The following RBFOX1 variants were observed in gnomAD, a reference collection of about 807,000 sequenced individuals.
RBFOX1 encodes the protein RNA binding fox-1 homolog 1.
RBFOX1 carries 8 observed loss-of-function variants against 57.7 expected under a neutral mutation model. The observed-to-expected ratio is 0.14, with a 90% confidence interval of 0.08 to 0.25. The LOEUF (loss-of-function observed/expected upper bound fraction) is 0.25, where lower values mean the gene tolerates loss of function less well. RBFOX1 is among the 10% of genes least tolerant of loss of function. RBFOX1 has a pLI of 1.00. For synonymous variants in RBFOX1, 326 were observed against 222.4 expected (o/e 1.47, Z -4.15); for missense variants, 611 against 548.5 (o/e 1.11, Z -1.14).
chr16:7,580,492 TC>T (rs2093673669), intron 6 of RBFOX1, among the ~76,000 whole-genome samples: 1 of 152,016 alleles, frequency 6.6e-6, no homozygotes, highest in South Asian at 2.1e-4. Context: ...CCATGTTGAT[TC>T]CTGAAGTCTA....
At chr16:7,296,909 G>A (rs1022776894) in intron 4 of RBFOX1, among the ~76,000 whole-genome samples, 1 of 152,102 alleles carries the variant, frequency 6.6e-6, no homozygotes, top group East Asian at 1.9e-4. Context: ...CTGTGTTTCT[G>A]TTTACCCTCA....
At chr16:7,230,141 C>G (rs144276525) in intron 4 of RBFOX1, among the ~76,000 whole-genome samples, 67 of 151,390 alleles carry the variant, frequency 4.4e-4, no homozygotes, top group Non-Finnish European at 6.8e-4. Context: ...GGAAGGCCTC[C>G]TCATCCTTTT....
In RBFOX1 at chr16:6,450,442, T is replaced by C. The variant is rs547495006; in HGVS notation, c.-64+133385T>C. Among the ~76,000 whole-genome samples, 270 of 151,826 alleles carry C rather than the reference T, an allele frequency of 1.8e-3. 1 individual carries two copies. Among genetic ancestry groups the C allele is most frequent in the Non-Finnish European group, 3.0e-3 (205 of 67,960 alleles). On this transcript the variant is annotated intron_variant, in intron 2 of 15. Transcript: ENST00000550418. ...GTTATTTATTGGTTTATTTTCACAATATAGGTACCTGGAATGGTGGATATC... is the reference window on the plus strand; with the variant it reads ...GTTATTTATTGGTTTATTTTCACAACATAGGTACCTGGAATGGTGGATATC...
At chr16:7,415,259 C>T (rs896586415) in intron 4 of RBFOX1, among the ~76,000 whole-genome samples, 8 of 152,298 alleles carry the variant, frequency 5.3e-5, no homozygotes, top group African/African-American at 1.7e-4. Flanking sequence ...GATGATGCAT[C>T]TGATATGCAT....
intron 4 of RBFOX1, among the ~76,000 whole-genome samples, chr16:7,218,628 C>CTCTGTGTGTGTGTG (rs1206468606): frequency 1.3e-4 from 17 of 127,532 alleles, no homozygotes; most frequent in African/African-American, 5.3e-4. Context: ...TGGGGGTTTG[C>CTCTGTGTGTGTGTG]TGTGTGTGTG....
intron 2 of RBFOX1, among the ~76,000 whole-genome samples, chr16:6,338,553 A>G (rs1020655465): frequency 4.6e-5 from 7 of 152,334 alleles, no homozygotes; most frequent in Middle Eastern, 3.4e-3. Flanking sequence ...CACTGGGACT[A>G]AAATATTTTT....
chr16:6,663,865 G>A (rs887743123), intron 3 of RBFOX1, among the ~76,000 whole-genome samples: 8 of 152,206 alleles, frequency 5.3e-5, no homozygotes, highest in African/African-American at 1.9e-4. Flanking sequence ...GTTGAGCATG[G>A]CATGACTAAG....
chr16:6,253,043 C>G (rs571926550), intron 1 of RBFOX1, among the ~76,000 whole-genome samples: 8 of 152,224 alleles, frequency 5.3e-5, no homozygotes, highest in African/African-American at 9.6e-5. Flanking sequence ...TGCTGAATCT[C>G]TGATTGTTGA....
At chr16:7,400,049 A>G (rs1008811843) in intron 4 of RBFOX1, among the ~76,000 whole-genome samples, 1 of 152,148 alleles carries the variant, frequency 6.6e-6, no homozygotes. Context: ...TGATTTATTG[A>G]TGAGAAAATT....
intron 1 of RBFOX1, among the ~76,000 whole-genome samples, chr16:6,142,444 A>G (rs572397034): frequency 6.6e-6 from 1 of 152,020 alleles, no homozygotes; most frequent in South Asian, 2.1e-4. Flanking sequence ...GATGGTCTCG[A>G]TCTCCTGACC....
intron 5 of RBFOX1, among the ~76,000 whole-genome samples, chr16:7,529,733 G>A (rs2079545876): frequency 6.6e-6 from 1 of 152,094 alleles, no homozygotes; most frequent in Admixed American, 6.5e-5. Context: ...TTTAGGCTGG[G>A]CATGGTAGCT....
At chr16:6,052,809 TA>T (rs1567339854) in intron 1 of RBFOX1, among the ~76,000 whole-genome samples, 1 of 79,554 alleles carries the variant, frequency 1.3e-5, no homozygotes, top group Non-Finnish European at 3.8e-5. Context: ...TAAAATATAA[TA>T]ATAATAATAA....
At chr16:6,317,093 A>G (rs1443408993) in intron 2 of RBFOX1, 36 bp downstream of exon 2, 1 of 1,497,320 alleles carries the variant, frequency 6.7e-7, no homozygotes, top group Admixed American at 2.0e-5. Context: ...CATTCCATAA[A>G]TACATCCATG....
At chr16:7,104,021 G>C (rs979436788) in intron 4 of RBFOX1, among the ~76,000 whole-genome samples, 5 of 152,058 alleles carry the variant, frequency 3.3e-5, no homozygotes, top group African/African-American at 9.7e-5. Flanking sequence ...TTTAAATTTT[G>C]TTTTGTGTTT....
intron 3 of RBFOX1, among the ~76,000 whole-genome samples, chr16:6,858,344 A>C (rs1447042354): frequency 1.3e-5 from 2 of 152,226 alleles, no homozygotes; most frequent in African/African-American, 2.4e-5. Context: ...CATCTAAAAT[A>C]CAGGAAAAAG....
chr16:6,431,911 T>TTCTA (rs2094106915), intron 2 of RBFOX1, among the ~76,000 whole-genome samples: 1 of 134,620 alleles, frequency 7.4e-6, no homozygotes, highest in South Asian at 2.5e-4. Flanking sequence ...CTTTCTTTCT[T>TTCTA]TCTTTCTTTC....
At chr16:7,014,956 C>T (rs1251101472) in intron 3 of RBFOX1, among the ~76,000 whole-genome samples, 1 of 152,074 alleles carries the variant, frequency 6.6e-6, no homozygotes, top group African/African-American at 2.4e-5. Context: ...AAACTGCTGA[C>T]GTTGTGATAT....
intron 3 of RBFOX1, among the ~76,000 whole-genome samples, chr16:5,612,999 A>G (rs1252571047): frequency 6.6e-6 from 1 of 152,180 alleles, no homozygotes; most frequent in African/African-American, 2.4e-5. Context: ...AATGGACTCC[A>G]TTTTACAGAT....
intron 4 of RBFOX1, among the ~76,000 whole-genome samples, chr16:7,217,081 C>G (rs1365878252): frequency 7.7e-6 from 1 of 129,680 alleles, no homozygotes; most frequent in Non-Finnish European, 1.6e-5. Flanking sequence ...TCCCTCTCCT[C>G]CCCTGTTTCC....
Sources: allele counts gnomAD v4.1 joint callset (sites outside exome capture counted in the v4.1 genomes callset), GRCh38; gene constraint gnomAD v4.1.1; transcripts MANE v1.5; gene names NCBI Gene and HGNC (gene_info 2026-07-23, HGNC 2026-07-21).